Variants in AMPH observed in about 807,000 individuals in gnomAD.
The protein encoded by AMPH is amphiphysin, also known as amphiphysin (Stiff-Mann syndrome with breast cancer 128kD autoantigen).
Under a neutral mutation model 99.1 loss-of-function variants are expected in AMPH, and 49 were observed. The ratio of observed to expected loss-of-function variants is 0.49; its 90% confidence interval spans 0.39 to 0.63. AMPH has a LOEUF of 0.63. AMPH is among the 20% of genes least tolerant of loss of function. The pLI is 0.00. For synonymous variants in AMPH, 314 were observed against 317.3 expected, an observed-to-expected ratio of 0.99 and a Z score of 0.11; for missense variants, 759 against 863.4, an observed-to-expected ratio of 0.88 and a Z score of 1.52.
chr7:38,503,769 T>G (rs565811118), intron 2 of AMPH, 65 bp from the exon 3 acceptor site: 2 of 1,544,006 alleles, frequency 1.3e-6, no homozygotes, highest in Admixed American at 3.4e-5. Context: ...ATGTAAGAAG[T>G]GCTAAGTCTC....
At chr7:38,501,528 T>C (rs1789135117) in intron 3 of AMPH, among the ~76,000 whole-genome samples, 1 of 152,198 alleles carries the variant, frequency 6.6e-6, no homozygotes, top group Non-Finnish European at 1.5e-5. Flanking sequence ...ATAATAAAAC[T>C]ACCTGCCTTA....
rs184008873 is a variant in AMPH at position 38,592,269 on chromosome 7, T to C, written c.69+39014A>G. ...CATGGCCATCATGATCATGTCACAG[T>C]GCTGCAGAGATTTTGTTTATGGCCA... On this transcript the variant is annotated intron_variant, in intron 1 of 20. Coordinates refer to ENST00000356264, the MANE Select transcript of AMPH (RefSeq NM_001635.4). Among the ~76,000 whole-genome samples, 21 of 152,332 alleles carry C rather than the reference T, an allele frequency of 1.4e-4. No individual in the cohort carries two copies. The East Asian group carries it at 4.0e-3, about 29-fold the overall frequency.
chr7:38,475,978 C>G (rs1788066726), intron 6 of AMPH, among the ~76,000 whole-genome samples: 1 of 152,170 alleles, frequency 6.6e-6, no homozygotes, highest in South Asian at 2.1e-4. Flanking sequence ...TGTCAGACTG[C>G]TTTACCACTG....
intron 1 of AMPH, among the ~76,000 whole-genome samples, chr7:38,581,193 G>A (rs1029336969): frequency 3.9e-5 from 6 of 152,052 alleles, no homozygotes; most frequent in Non-Finnish European, 7.4e-5. Context: ...ATTAAAATAC[G>A]TCATACATTA....
At chr7:38,556,608 G>T (rs966832089) in intron 1 of AMPH, among the ~76,000 whole-genome samples, 1 of 152,188 alleles carries the variant, frequency 6.6e-6, no homozygotes, top group African/African-American at 2.4e-5. Flanking sequence ...TTCTGGCAAA[G>T]GAGAAAGCAC....
intron 11 of AMPH, among the ~76,000 whole-genome samples, chr7:38,438,158 C>T (rs901292297): frequency 3.3e-5 from 5 of 152,124 alleles, no homozygotes; most frequent in African/African-American, 7.2e-5. Flanking sequence ...AGGCACTGTT[C>T]GAAGAACTTT....
intron 3 of AMPH, among the ~76,000 whole-genome samples, chr7:38,495,579 C>A (rs73358615): frequency 6.7e-6 from 1 of 148,716 alleles, no homozygotes; most frequent in Non-Finnish European, 1.5e-5. Context: ...AAATTCCATA[C>A]GGACAGTGGC....
At chr7:38,429,523 C>G in intron 14 of AMPH, 1 of 1,384,434 alleles carries the variant, frequency 7.2e-7, no homozygotes, top group South Asian at 1.2e-5. Flanking sequence ...AACCCACTGT[C>G]TGGAGTTTCC....
intron 4 of AMPH, among the ~76,000 whole-genome samples, chr7:38,494,042 C>T (rs1169484423): frequency 1.3e-5 from 2 of 152,124 alleles, no homozygotes; most frequent in East Asian, 1.9e-4. Context: ...CTGCAACCTC[C>T]ACCTCCTGGG....
intron 17 of AMPH, among the ~76,000 whole-genome samples, chr7:38,410,872 C>A (rs576439078): frequency 6.6e-6 from 1 of 152,322 alleles, no homozygotes; most frequent in East Asian, 1.9e-4. Flanking sequence ...GTTTCTGTTT[C>A]ATTTCAACTC....
At chr7:38,421,707 A>G (rs1785586936) in intron 16 of AMPH, among the ~76,000 whole-genome samples, 1 of 152,248 alleles carries the variant, frequency 6.6e-6, no homozygotes, top group Admixed American at 6.5e-5. Context: ...AGAAAACCAT[A>G]GTGCTACAAA....
chr7:38,393,237 G>A (rs1197950297), intron 18 of AMPH, among the ~76,000 whole-genome samples: 3 of 152,210 alleles, frequency 2.0e-5, no homozygotes, highest in African/African-American at 7.2e-5. Flanking sequence ...GATAATGAAA[G>A]GGATAATTCA....
intron 1 of AMPH, among the ~76,000 whole-genome samples, chr7:38,601,648 G>C (rs929848280): frequency 6.6e-6 from 1 of 152,046 alleles, no homozygotes; most frequent in Non-Finnish European, 1.5e-5. Flanking sequence ...TAACATAGTC[G>C]TATTTTTCAG....
chr7:38,422,710 C>T (rs1411901320), intron 15 of AMPH, among the ~76,000 whole-genome samples: 2 of 152,102 alleles, frequency 1.3e-5, no homozygotes, highest in African/African-American at 2.4e-5. Context: ...CATTCTCCAC[C>T]TCCCTGGGCT....
intron 2 of AMPH, 114 bp from the exon 3 acceptor site, chr7:38,503,818 C>T (rs765366807): frequency 6.0e-5 from 62 of 1,024,978 alleles, no homozygotes; most frequent in Middle Eastern, 2.1e-4. Context: ...TGGAAAAAAA[C>T]ATAAATATGT....
intron 11 of AMPH, 140 bp downstream of exon 11, chr7:38,461,143 C>CA: frequency 4.2e-6 from 4 of 963,352 alleles, no homozygotes; most frequent in African/African-American, 1.6e-5. Context: ...TCAGACTAAC[C>CA]AAGTAATTAA....
intron 1 of AMPH, among the ~76,000 whole-genome samples, chr7:38,588,041 T>A (rs1562846666): frequency 6.6e-6 from 1 of 151,724 alleles, no homozygotes; most frequent in African/African-American, 2.4e-5. Context: ...AGCCTCGACC[T>A]CCTGGGCTCA....
chr7:38,461,947 T>C (rs1787466110), intron 10 of AMPH, among the ~76,000 whole-genome samples: 1 of 152,232 alleles, frequency 6.6e-6, no homozygotes, highest in African/African-American at 2.4e-5. Flanking sequence ...CCTCAACTTA[T>C]GATGGTTCAA....
In AMPH at chr7:38,596,011, T is replaced by C. The variant is rs938021338; in HGVS notation, c.69+35272A>G. On this transcript the variant is annotated intron_variant, in intron 1 of 20. Coordinates refer to ENST00000356264, the MANE Select transcript of AMPH (RefSeq NM_001635.4). ...ATGTCTTTGCTATTATGAATAGTGC[T>C]GTGATGAACATATGGGTGCATGTGT... Among the ~76,000 whole-genome samples, 8 of 152,334 alleles carry C rather than the reference T, an allele frequency of 5.3e-5. No individual in the cohort carries two copies. In the South Asian group the frequency reaches 1.4e-3, roughly 28 times the overall value.
Sources: allele counts gnomAD v4.1 joint callset (sites outside exome capture counted in the v4.1 genomes callset), GRCh38; gene constraint gnomAD v4.1.1; transcripts MANE v1.5; gene names NCBI Gene and HGNC (gene_info 2026-07-23, HGNC 2026-07-21).